The following VWA8 variants were observed in gnomAD, a reference collection of about 807,000 sequenced individuals.
VWA8 encodes von Willebrand factor A domain-containing protein 8.
In VWA8, 221 loss-of-function variants were observed where a neutral mutation model predicts 241.5. That is an observed-to-expected ratio of 0.91 (90% CI 0.82 to 1.02). VWA8 has a LOEUF of 1.02. VWA8 is among the 50% of genes least tolerant of loss of function. The pLI is 0.00. For synonymous variants in VWA8, 852 were observed against 827.1 expected, an observed-to-expected ratio of 1.03 and a Z score of -0.52; for missense variants, 2,322 against 2,328.7, an observed-to-expected ratio of 1.00 and a Z score of 0.06.
intron 40 of VWA8, among the ~76,000 whole-genome samples, chr13:41,591,138 C>A (rs948783121): frequency 6.6e-6 from 1 of 152,138 alleles, no homozygotes; most frequent in Admixed American, 6.5e-5. Context: ...TGTCTGTAAG[C>A]CCAGAGAAAA....
At chr13:41,816,920 T>C (rs1477368925) in intron 15 of VWA8, 145 bp from the exon 16 acceptor site, 17 of 655,144 alleles carry the variant, frequency 2.6e-5, no homozygotes, top group Admixed American at 2.4e-4. Context: ...GTTTAACTTA[T>C]GGATAAAGTT....
chr13:41,632,113 C>A (rs1164437188), intron 37 of VWA8, among the ~76,000 whole-genome samples: 27 of 152,180 alleles, frequency 1.8e-4, no homozygotes, highest in Non-Finnish European at 1.3e-4. Context: ...ACAACCTTGA[C>A]TACAGCAAAT....
At chr13:41,760,090 T>C (rs923117686) in intron 21 of VWA8, among the ~76,000 whole-genome samples, 2 of 151,848 alleles carry the variant, frequency 1.3e-5, no homozygotes, top group African/African-American at 4.8e-5. Context: ...CTTTATAAGA[T>C]AAATACCCTT....
chr13:41,831,422 T>G (rs1209296478), intron 13 of VWA8, among the ~76,000 whole-genome samples: 3 of 152,138 alleles, frequency 2.0e-5, no homozygotes, highest in Non-Finnish European at 4.4e-5. Flanking sequence ...TTCCATAACG[T>G]TAAGGCAACA....
intron 21 of VWA8, among the ~76,000 whole-genome samples, chr13:41,736,974 G>A (rs1460553412): frequency 1.3e-5 from 2 of 151,424 alleles, no homozygotes; most frequent in Non-Finnish European, 2.9e-5. Context: ...CTCCAGAAGA[G>A]GTGGGATTAG....
At chr13:41,659,515 C>T (rs936041281) in intron 37 of VWA8, among the ~76,000 whole-genome samples, 7 of 152,080 alleles carry the variant, frequency 4.6e-5, no homozygotes, top group Non-Finnish European at 7.4e-5. Context: ...ATTATTCTTC[C>T]TTCTTTTAAA....
chr13:41,934,677 C>T (rs1406988748), intron 2 of VWA8, among the ~76,000 whole-genome samples: 2 of 151,980 alleles, frequency 1.3e-5, no homozygotes, highest in South Asian at 4.1e-4. Flanking sequence ...TGTTGTATGA[C>T]TCCATTTATA....
chr13:41,580,980 A>AAATCAGAGGG (rs1301957451), intron 42 of VWA8, among the ~76,000 whole-genome samples: 3 of 119,450 alleles, frequency 2.5e-5, no homozygotes, highest in South Asian at 5.8e-4. Context: ...TGAGTCATCT[A>AAATCAGAGGG]TTTTATTTTA....
At chr13:41,656,550 T>C (rs1250921539) in intron 37 of VWA8, among the ~76,000 whole-genome samples, 3 of 152,222 alleles carry the variant, frequency 2.0e-5, no homozygotes, top group Non-Finnish European at 4.4e-5. Flanking sequence ...TGAATTAGAC[T>C]GGACTAGAGA....
At chr13:41,945,100 T>G (rs1022946585) in intron 2 of VWA8, among the ~76,000 whole-genome samples, 26 of 152,260 alleles carry the variant, frequency 1.7e-4, no homozygotes, top group African/African-American at 6.3e-4. Context: ...GACACAACTG[T>G]AAGCTACCTA....
intron 14 of VWA8, 71 bp downstream of exon 14, chr13:41,830,458 G>T: frequency 1.5e-6 from 2 of 1,299,326 alleles, no homozygotes; most frequent in Non-Finnish European, 2.2e-6. Context: ...TCTAGGTTTA[G>T]AAAAATCATA....
intron 30 of VWA8, 55 bp downstream of exon 30, chr13:41,692,807 T>C: frequency 7.0e-7 from 1 of 1,434,780 alleles, no homozygotes; most frequent in African/African-American, 1.4e-5. Context: ...ATCTTTCTGG[T>C]TAGAAAGCTA....
Position 41,783,855 on chromosome 13 carries a change from CG to C in VWA8, c.2216del (p.Pro739ArgfsTer9). 1 of 1,613,696 alleles carries C rather than the reference CG, an allele frequency of 6.2e-7. No individual in the cohort carries two copies. Among genetic ancestry groups the C allele is most frequent in the Non-Finnish European group, 8.5e-7 (1 of 1,179,904 alleles). Reference protein sequence around the residue: ...GTLRIGAVSAPIYNAHEKMKV... With the variant: ...GTLRIGAVSAXIYNAHEKMKV... ...TCATTTTCTCATGTGCATTATAGAT[CG>C]GTGCACTAACAGCACCAATCCTCAG... On this transcript the variant is annotated frameshift_variant, in exon 19 of 45. Coordinates refer to ENST00000379310, the MANE Select transcript of VWA8 (RefSeq NM_015058.2). LOFTEE classifies it high-confidence loss of function.
At chr13:41,946,777 A>G (rs1267007482) in intron 2 of VWA8, among the ~76,000 whole-genome samples, 1 of 152,224 alleles carries the variant, frequency 6.6e-6, no homozygotes, top group Non-Finnish European at 1.5e-5. Flanking sequence ...TTCTCCCTCA[A>G]GAAGCTGACA....
At position 41,679,381 on chromosome 13, in the gene VWA8, C is replaced by T. The variant is rs78038358; in HGVS notation, c.4328-4085G>A. 1.7e-3 allele frequency among the ~76,000 whole-genome samples: 263 copies of T among 152,262 alleles called. 1 individual carries two copies. Among genetic ancestry groups the T allele is most frequent in the African/African-American group, 6.0e-3 (251 of 41,550 alleles). On this transcript the variant is annotated intron_variant, in intron 35 of 44. Coordinates refer to ENST00000379310, the MANE Select transcript of VWA8 (RefSeq NM_015058.2). ...TTCTAGAACTGTAATTTGATGTACA[C>T]CTATTAATCACTGGGTTTAACACAC...
At chr13:41,719,975 C>A (rs2045372745) in intron 25 of VWA8, among the ~76,000 whole-genome samples, 1 of 151,822 alleles carries the variant, frequency 6.6e-6, no homozygotes, top group African/African-American at 2.4e-5. Flanking sequence ...GGAAAGAGTT[C>A]CTCCTCTCAA....
intron 24 of VWA8, 149 bp from the exon 25 acceptor site, chr13:41,721,724 A>G (rs2045393998): frequency 1.3e-6 from 1 of 742,896 alleles, no homozygotes; most frequent in Non-Finnish European, 2.0e-6. Context: ...AGAAGAAAGC[A>G]AAAGACTGAA....
intron 2 of VWA8, among the ~76,000 whole-genome samples, chr13:41,913,889 G>A (rs930032483): frequency 6.6e-6 from 1 of 152,146 alleles, no homozygotes; most frequent in Non-Finnish European, 1.5e-5. Flanking sequence ...CATCCCTAGC[G>A]GGATAAAAGT....
chr13:41,668,467 C>T (rs1204733218), intron 37 of VWA8, among the ~76,000 whole-genome samples: 1 of 152,100 alleles, frequency 6.6e-6, no homozygotes. Context: ...AGGCATTTTC[C>T]AAGCTCTGAA....
Sources: allele counts gnomAD v4.1 joint callset (sites outside exome capture counted in the v4.1 genomes callset), GRCh38; gene constraint gnomAD v4.1.1; transcripts MANE v1.5; gene names NCBI Gene and HGNC (gene_info 2026-07-23, HGNC 2026-07-21).